Variants in CNKSR2 observed in about 807,000 individuals in gnomAD.
CNKSR2 encodes CNK homolog protein 2.
In CNKSR2, 14 loss-of-function variants were observed where a neutral mutation model predicts 84.4. The ratio of observed to expected loss-of-function variants is 0.17; its 90% CI spans 0.11 to 0.26. The LOEUF is 0.26. CNKSR2 is among the 10% of genes least tolerant of loss of function. CNKSR2 has a pLI of 1.00. For missense variants in CNKSR2, 485 were observed against 771.2 expected (o/e 0.63, Z 4.40); for synonymous variants, 275 against 277.9 (o/e 0.99, Z 0.10).
chrX:21,515,738 C>T (rs753896556), intron 8 of CNKSR2, among the ~76,000 whole-genome samples: 7 of 111,269 alleles, frequency 6.3e-5, no homozygotes, highest in Non-Finnish European at 1.3e-4. Context: ...TGCAGTTGAG[C>T]CCGATTTCAA....
At chrX:21,392,309 G>C (rs989610104) in intron 1 of CNKSR2, among the ~76,000 whole-genome samples, 2 of 111,585 alleles carry the variant, frequency 1.8e-5, no homozygotes, top group Non-Finnish European at 3.8e-5. Context: ...TTTTGTGTTA[G>C]TCCGTTCTCA....
At chrX:21,617,768 G>C (rs912458108) in intron 20 of CNKSR2, among the ~76,000 whole-genome samples, 3 of 110,660 alleles carry the variant, frequency 2.7e-5, no homozygotes, top group Non-Finnish European at 5.7e-5. Flanking sequence ...TAGCACCTTA[G>C]AATCCAGCCC....
intron 5 of CNKSR2, among the ~76,000 whole-genome samples, chrX:21,484,197 A>G (rs1024580656): frequency 3.6e-5 from 4 of 111,419 alleles, no homozygotes; most frequent in African/African-American, 1.3e-4. Context: ...AGGCTAAGGC[A>G]GAAGAATCAC....
At chrX:21,398,058 G>C (rs950161473) in intron 1 of CNKSR2, among the ~76,000 whole-genome samples, 2 of 111,060 alleles carry the variant, frequency 1.8e-5, no homozygotes, top group Non-Finnish European at 3.8e-5. Context: ...CCAAGATTCC[G>C]ACATCCTAGT....
At chrX:21,391,046 C>T (rs2090042480) in intron 1 of CNKSR2, among the ~76,000 whole-genome samples, 1 of 112,720 alleles carries the variant, frequency 8.9e-6, no homozygotes, top group Non-Finnish European at 1.9e-5. Flanking sequence ...CCAGGCCACA[C>T]TGATGCAAGG....
At chrX:21,406,260 G>A (rs1379913929) in intron 1 of CNKSR2, among the ~76,000 whole-genome samples, 1 of 111,350 alleles carries the variant, frequency 9.0e-6, no homozygotes, top group Non-Finnish European at 1.9e-5. Flanking sequence ...AGGTGGAACA[G>A]TTTCATCCTG....
intron 20 of CNKSR2, among the ~76,000 whole-genome samples, chrX:21,634,627 C>A (rs918181403): frequency 3.6e-5 from 4 of 110,530 alleles, no homozygotes; most frequent in African/African-American, 1.3e-4. Context: ...AAGAATGTTA[C>A]AGTATGGGAG....
intron 1 of CNKSR2, among the ~76,000 whole-genome samples, chrX:21,415,726 G>T (rs1322370519): frequency 4.7e-5 from 5 of 105,658 alleles, no homozygotes; most frequent in African/African-American, 1.7e-4. Flanking sequence ...CATGGCACAT[G>T]TATACATATG....
intron 4 of CNKSR2, among the ~76,000 whole-genome samples, chrX:21,457,646 C>T (rs1389838031): frequency 2.7e-5 from 3 of 111,435 alleles, no homozygotes; most frequent in Non-Finnish European, 5.7e-5. Context: ...TAAATGTGTG[C>T]AGATACAAGT....
chrX:21,442,278 G>C lies in CNKSR2; in HGVS notation c.519+1497G>C, dbSNP rs911993551. ...TTTTGAAAAAAAAAAAGAGAAACTG[G>C]TTTTAAAATCTTAAATAGAATTCTC... is the stretch of plus-strand genomic sequence containing the variant. On this transcript the variant is annotated intron_variant, in intron 4 of 21. Coordinates refer to ENST00000379510, the MANE Select transcript of CNKSR2 (RefSeq NM_014927.5). Among the ~76,000 whole-genome samples the C allele has an allele frequency of 6.4e-5, 7 of 109,516 alleles. No homozygotes were observed. The East Asian group carries it at 1.7e-3, about 27-fold the overall frequency.
chrX:21,401,958 C>T, intron 1 of CNKSR2, among the ~76,000 whole-genome samples: 1 of 111,358 alleles, frequency 9.0e-6, no homozygotes, highest in East Asian at 2.8e-4. Flanking sequence ...AAAGGACTTA[C>T]TAGTAAATGA....
intron 3 of CNKSR2, among the ~76,000 whole-genome samples, chrX:21,433,567 C>T (rs143255202): frequency 9.2e-6 from 1 of 108,834 alleles, no homozygotes; most frequent in African/African-American, 3.3e-5. Flanking sequence ...TAAAAATGCT[C>T]TTTGTCTTTC....
chrX:21,552,277 T>C lies in CNKSR2; in HGVS notation c.1304-9194T>C, dbSNP rs2092100382. Among the ~76,000 whole-genome samples, 5 of 111,317 alleles carry C rather than the reference T, an allele frequency of 4.5e-5. No homozygotes were observed. The Admixed American group carries it at 4.8e-4, about 11-fold the overall frequency. ...AAAGAGGTTATATGGTTAAATAAGA[T>C]TGGGAAGTTTTACATATTTTAGGCC... On this transcript the variant is annotated intron_variant, in intron 11 of 21. Transcript: ENST00000379510.
At chrX:21,545,335 T>C (rs1434848520) in intron 11 of CNKSR2, among the ~76,000 whole-genome samples, 1 of 112,220 alleles carries the variant, frequency 8.9e-6, no homozygotes, top group Non-Finnish European at 1.9e-5. Flanking sequence ...ACTGCCTAGA[T>C]TCTCCTCTAG....
chrX:21,548,381 A>G (rs937706732), intron 11 of CNKSR2, among the ~76,000 whole-genome samples: 1 of 111,306 alleles, frequency 9.0e-6, no homozygotes, highest in Non-Finnish European at 1.9e-5. Flanking sequence ...GAAGAAGCTG[A>G]CTCCCTAAAT....
At chrX:21,387,165 C>T (rs934625940) in intron 1 of CNKSR2, among the ~76,000 whole-genome samples, 1 of 112,073 alleles carries the variant, frequency 8.9e-6, no homozygotes, top group African/African-American at 3.2e-5. Context: ...ATACTGGAAA[C>T]TAATGCATGC....
At chrX:21,429,945 G>T (rs2090613838) in intron 2 of CNKSR2, among the ~76,000 whole-genome samples, 1 of 111,664 alleles carries the variant, frequency 9.0e-6, no homozygotes, top group South Asian at 3.7e-4. Context: ...GTTAACTTGA[G>T]AGATCAATTA....
At chrX:21,584,422 G>A (rs1225923604) in intron 13 of CNKSR2, among the ~76,000 whole-genome samples, 5 of 112,370 alleles carry the variant, frequency 4.4e-5, no homozygotes, top group African/African-American at 9.7e-5. Flanking sequence ...CATAAAACAG[G>A]CAGAATTGCC....
intron 3 of CNKSR2, among the ~76,000 whole-genome samples, chrX:21,437,332 T>C (rs2147077737): frequency 9.0e-6 from 1 of 110,968 alleles, no homozygotes; most frequent in African/African-American, 3.3e-5. Flanking sequence ...TCGAAACTCT[T>C]TTCTAATCAT....
Sources: gnomAD v4.1 joint callset for allele counts (sites outside exome capture counted in the v4.1 genomes callset) on GRCh38, gnomAD v4.1.1 for gene constraint, MANE v1.5 for transcripts, NCBI Gene and HGNC (gene_info 2026-07-23, HGNC 2026-07-21) for gene names.